PINK1: variants seen among roughly 807,000 people sequenced by gnomAD.
PINK1 encodes serine/threonine-protein kinase PINK1, mitochondrial.
In PINK1, 58 loss-of-function variants were observed where a neutral mutation model predicts 56.0. The ratio of observed to expected loss-of-function variants is 1.04; its 90% CI spans 0.84 to 1.29. The LOEUF is 1.29. Among genes scored for constraint, PINK1 ranks in the 50% most tolerant of loss-of-function variants. The pLI is 0.00. For missense variants in PINK1, 745 were observed against 777.9 expected (o/e 0.96, Z 0.50); for synonymous variants, 354 against 339.3 (o/e 1.04, Z -0.48).
rs1209351733 is a variant in PINK1 at position 20,633,923 on chromosome 1, T to C, written c.375T>C (p.Cys125=). ...QAESRRAVSA[C]QEIQAIFTQK... The stretch of plus-strand genomic sequence containing the variant: ...AGAGCCGGCGGGCGGTCTCGGCCTG[T>C]CAGGAGATCCAGGTGAGCGGGGCCG... The change falls in exon 1 of 8, where the codon TGT becomes TGC. Residue 125 remains cysteine (C), a synonymous_variant. Coordinates refer to ENST00000321556, the MANE Select transcript of PINK1 (RefSeq NM_032409.3). 1.3e-6 allele frequency: 2 copies of C among 1,583,018 alleles called. No homozygotes were observed. Among genetic ancestry groups the C allele is most frequent in the African/African-American group, 1.4e-5 (1 of 73,366 alleles).
intron 5 of PINK1, among the ~76,000 whole-genome samples, chr1:20,647,715 T>G (rs932705930): frequency 6.6e-6 from 1 of 152,066 alleles, no homozygotes; most frequent in Non-Finnish European, 1.5e-5. Flanking sequence ...GTGATCCGCC[T>G]GCCTCGGCCT....
chr1:20,647,448 C>T (rs12028312), intron 5 of PINK1, among the ~76,000 whole-genome samples: 56,095 of 144,738 alleles, frequency 0.39, 11,083 homozygotes, highest in Middle Eastern at 0.44. Context: ...TGAGCCACCA[C>T]GCCCAGCTGG....
intron 5 of PINK1, among the ~76,000 whole-genome samples, chr1:20,647,640 T>A (rs1174075257): frequency 6.6e-6 from 1 of 151,562 alleles, no homozygotes; most frequent in Non-Finnish European, 1.5e-5. Flanking sequence ...CTGGCTGATT[T>A]TTGTATTTTT....
Position 20,633,473 on chromosome 1 carries a change from A to G in PINK1, c.-76A>G. 9.4e-7 allele frequency: 1 copy of G among 1,064,138 alleles called. No individual in the cohort carries two copies. Among genetic ancestry groups the G allele is most frequent in the Non-Finnish European group, 1.1e-6 (1 of 878,462 alleles). 65.9% of individuals were successfully genotyped at this position (1,064,138 alleles called of 1,614,324 possible). The stretch of plus-strand genomic sequence containing the variant: ...GCGCCTGCGCAGAGGCACCGCCCCA[A>G]GTTTGTTGTGACCGGCGGGGGACGC... On this transcript the variant is annotated 5_prime_UTR_variant, in exon 1 of 8. Transcript: ENST00000321556.
At chr1:20,647,058 T>TTTTTC (rs2053192162) in intron 5 of PINK1, among the ~76,000 whole-genome samples, 1 of 134,590 alleles carries the variant, frequency 7.4e-6, no homozygotes. Context: ...TTTTGATTTT[T>TTTTTC]TTTTTTTTTT....
chr1:20,638,647 AAAAC>A (rs983823427), intron 2 of PINK1: 6 of 60,872 alleles, frequency 9.9e-5, no homozygotes, highest in Non-Finnish European at 1.6e-4. Context: ...GTCTCAAAAC[AAAAC>A]AAACAAACAA....
In PINK1 at chr1:20,649,236, G is replaced by A. The variant is rs2053233504; in HGVS notation, c.1488+5G>A. On this transcript the variant is annotated splice_donor_5th_base_variant and intron_variant, in intron 7 of 7. Coordinates refer to ENST00000321556, the MANE Select transcript of PINK1 (RefSeq NM_032409.3). ...CTCCAGCGAGAGGCCAGCAAGGTGA[G>A]GCTGTCCCCGGCTTCGAGGGGACGG... 5.6e-6 allele frequency: 9 copies of A among 1,613,650 alleles called. No homozygotes were observed. The highest frequency in any genetic ancestry group is 1.7e-5 in the Admixed American group (1 of 60,000).
chr1:20,648,201 T>C (rs994548661), intron 5 of PINK1: 1 of 435,370 alleles, frequency 2.3e-6, no homozygotes. Context: ...CCCTTGGAGA[T>C]CATTTGAACC....
intron 7 of PINK1, chr1:20,649,854 A>G (rs1333831119): frequency 1.2e-5 from 2 of 166,480 alleles, no homozygotes; most frequent in African/African-American, 4.8e-5. Context: ...TCATGGAAGC[A>G]GCTGAGAACT....
chr1:20,644,374 T>C (rs889239327), intron 3 of PINK1, 116 bp from the exon 4 acceptor site: 13 of 1,209,102 alleles, frequency 1.1e-5, no homozygotes, highest in Non-Finnish European at 1.6e-5. Context: ...ATGATAAACA[T>C]TTGATAGTAA....
Position 20,645,617 on chromosome 1 carries a change from CG to C in PINK1, c.1018del (p.Ala340ProfsTer2), listed in dbSNP as rs752683079. On this transcript the variant is annotated frameshift_variant, in exon 5 of 8. Transcript: ENST00000321556. LOFTEE classifies it high-confidence loss of function. ...CVNTPSPRLA[A>X]MMLLQLLEGV... The stretch of plus-strand genomic sequence containing the variant: ...TGAACACACCCAGCCCCCGCCTCGC[CG>C]CCATGATGCTGCTGCAGCTGCTGGA... 2 of 1,614,018 alleles carry C rather than the reference CG, an allele frequency of 1.2e-6. No individual in the cohort carries two copies. Among genetic ancestry groups the C allele is most frequent in the African/African-American group, 2.7e-5 (2 of 74,908 alleles).
At chr1:20,638,659 C>CA (rs1256794682) in intron 2 of PINK1, 61 of 201,048 alleles carry the variant, frequency 3.0e-4, no homozygotes, top group Middle Eastern at 2.3e-3. Flanking sequence ...AACAAACAAA[C>CA]AAAAAAAACC....
chr1:20,638,507 T>C (rs1053212085), intron 2 of PINK1: 12 of 300,034 alleles, frequency 4.0e-5, no homozygotes, highest in Admixed American at 1.9e-4. Flanking sequence ...AGCTTGCACC[T>C]GTATGTAGTC....
chr1:20,648,343 GC>G lies in PINK1; in HGVS notation c.1124-159del, dbSNP rs148894314. 49,811 of 982,874 alleles carry G rather than the reference GC, an allele frequency of 0.051. 1,472 individuals are homozygous for G. The highest frequency in any genetic ancestry group is 0.061 in the Non-Finnish European group (39,323 of 645,184). 60.9% of individuals were successfully genotyped at this position (982,874 alleles called of 1,614,324 possible). A position where few individuals can be genotyped will look rare whatever the true frequency, so the allele number is the denominator to read the frequency against. On this transcript the variant is annotated intron_variant, in intron 5 of 7. Coordinates refer to ENST00000321556, the MANE Select transcript of PINK1 (RefSeq NM_032409.3). Reference sequence around the variant, plus strand: ...AGGCATTTCCGTGTTCGCACAGCAGGCCCTTCTGATCAGCTCTCAGGCCTTG... The same window carrying G: ...AGGCATTTCCGTGTTCGCACAGCAGGCCTTCTGATCAGCTCTCAGGCCTTG...
intron 1 of PINK1, among the ~76,000 whole-genome samples, chr1:20,635,274 G>T (rs900098276): frequency 6.6e-6 from 1 of 151,916 alleles, no homozygotes; most frequent in Non-Finnish European, 1.5e-5. Context: ...AGGCTGAGGC[G>T]GGCGGATCAC....
intron 7 of PINK1, chr1:20,650,144 T>A: frequency 2.0e-6 from 1 of 488,512 alleles, no homozygotes; most frequent in Non-Finnish European, 3.8e-6. Context: ...ACTTACCTGG[T>A]TCAAGGGACC....
chr1:20,647,053 A>ATTTTTTTTTTTTTTTTTT (rs71585775), intron 5 of PINK1, among the ~76,000 whole-genome samples: 1 of 91,436 alleles, frequency 1.1e-5, no homozygotes, highest in South Asian at 3.8e-4. Context: ...CTAATTTTTG[A>ATTTTTTTTTTTTTTTTTT]TTTTTTTTTT....
chr1:20,636,197 T>A (rs1245079414), intron 1 of PINK1, among the ~76,000 whole-genome samples: 8 of 114,610 alleles, frequency 7.0e-5, no homozygotes, highest in South Asian at 2.7e-4. Flanking sequence ...ATTATAAAAA[T>A]ATATATATAA....
At chr1:20,635,843 C>G (rs1032543357) in intron 1 of PINK1, among the ~76,000 whole-genome samples, 8 of 140,274 alleles carry the variant, frequency 5.7e-5, no homozygotes, top group African/African-American at 2.1e-4. Context: ...AGTGAGACTC[C>G]GTCTCAAAAA....
Sources: allele counts gnomAD v4.1 joint callset (sites outside exome capture counted in the v4.1 genomes callset), GRCh38; gene constraint gnomAD v4.1.1; transcripts MANE v1.5; gene names NCBI Gene and HGNC (gene_info 2026-07-23, HGNC 2026-07-21).